UBA1: variants seen among roughly 807,000 people sequenced by gnomAD.
The protein encoded by UBA1 is ubiquitin-like modifier-activating enzyme 1.
In UBA1, 4 loss-of-function variants were observed where a neutral mutation model predicts 84.7. That is an observed-to-expected ratio of 0.05 (90% confidence interval 0.02 to 0.11). The LOEUF is 0.11. UBA1 is among the 10% of genes least tolerant of loss of function. The pLI is 1.00. For missense variants in UBA1, 513 were observed against 902.8 expected (o/e 0.57, Z 5.53); for synonymous variants, 364 against 362.6 (o/e 1.00, Z -0.04).
chrX:47,194,997 C>A (rs1040672753), intron 1 of UBA1, among the ~76,000 whole-genome samples: 2 of 111,316 alleles, frequency 1.8e-5, no homozygotes, highest in African/African-American at 6.6e-5. Context: ...GGCTTCTAGC[C>A]CCTTCCATCA....
At chrX:47,208,213 A>G (rs943287277) in intron 16 of UBA1, among the ~76,000 whole-genome samples, 31 of 112,749 alleles carry the variant, frequency 2.7e-4, no homozygotes, top group Admixed American at 1.9e-4. Flanking sequence ...ATTCAGGCTG[A>G]AGTGTATTGG....
rs1556792891 is a variant in UBA1 at position 47,210,043 on chromosome X, G to A, written c.2119G>A (p.Val707Met). 2.5e-6 allele frequency: 3 copies of A among 1,212,115 alleles called. No individual in the cohort carries two copies. The highest frequency in any genetic ancestry group is 2.2e-6 in the Non-Finnish European group (2 of 895,596). The part of the protein sequence containing the change: ...LQRPQTWADC[V>M]TWACHHWHTQ... ...GCGACCACAGACCTGGGCTGACTGCGTGACCTGGGCCTGCCACCACTGGCA... is the reference window on the plus strand; with the variant it reads ...GCGACCACAGACCTGGGCTGACTGCATGACCTGGGCCTGCCACCACTGGCA... Residue 707 changes from valine (V) to methionine (M), a missense_variant, in exon 18 of 26, where the codon GTG becomes ATG. This residue lies in a region of UBA1 where 40 missense variants were observed against 138.3 expected (regional missense o/e 0.29). Transcript: ENST00000335972.
At chrX:47,194,319 C>T (rs1602617001) in intron 1 of UBA1, among the ~76,000 whole-genome samples, 1 of 112,443 alleles carries the variant, frequency 8.9e-6, no homozygotes, top group East Asian at 2.8e-4. Flanking sequence ...AACCTTGTAT[C>T]TCAGATCAGA....
rs886314931 is a variant in UBA1, at chrX:47,208,610, G to A, written c.1939-1013G>A. 3.0e-5 allele frequency: 3 copies of A among 99,366 alleles called. No individual in the cohort carries two copies. In the Admixed American group the frequency reaches 3.4e-4, roughly 11 times the overall value. The allele number at this position is 99,366 out of a possible 1,213,427, so 8.2% of individuals were successfully genotyped here. On this transcript the variant is annotated intron_variant, in intron 16 of 25. Transcript: ENST00000335972. ...TGGAGGCATAACATATCTAGAATAA[G>A]GTACACAGATTTTTTTTTTTTTTTT...
At chrX:47,201,661 G>C in intron 8 of UBA1, 51 bp downstream of exon 8, 1 of 1,191,659 alleles carries the variant, frequency 8.4e-7, no homozygotes, top group Non-Finnish European at 1.1e-6. Context: ...ATATGTTCCT[G>C]GGTTCTGGCC....
Position 47,199,779 on chromosome X carries a change from C to T in UBA1, c.480+165C>T, listed in dbSNP as rs781837504. Among the ~76,000 whole-genome samples the T allele has an allele frequency of 7.5e-3, 821 of 109,113 alleles. 1 individual carries two copies. Among genetic ancestry groups the T allele is most frequent in the Non-Finnish European group, 0.012 (639 of 52,425 alleles). 94.8% of individuals were successfully genotyped at this position (109,113 alleles called of 115,157 possible). ...CAGTTAGCCCCTGGCCCTGCCTTTT[C>T]TTTTCTTCTTTTTTTTTTTTTGAGA... On this transcript the variant is annotated intron_variant, in intron 5 of 25. Coordinates refer to ENST00000335972, the MANE Select transcript of UBA1 (RefSeq NM_003334.4).
At position 47,213,189 on chromosome X, in the gene UBA1, C is replaced by A. The variant is rs782075261; in HGVS notation, c.2838+8C>A. The A allele has an allele frequency of 5.1e-5, 61 of 1,206,597 alleles. 2 individuals are homozygous for A. In the South Asian group the frequency reaches 1.0e-3, roughly 21 times the overall value. ...GCCGCACCACGTCACCAGGTGGGGG[C>A]CTGCATCCGAAGCAGGGTTTGGGTG... On this transcript the variant is annotated splice_region_variant and intron_variant, in intron 23 of 25. Transcript: ENST00000335972.
intron 16 of UBA1, chrX:47,209,241 G>A (rs1301374260): frequency 5.1e-6 from 2 of 391,171 alleles, no homozygotes; most frequent in East Asian, 4.2e-5. Flanking sequence ...TGCAACCTCC[G>A]CCTCCCGGGT....
intron 25 of UBA1, 68 bp downstream of exon 25, chrX:47,214,705 C>T (rs1602662765): frequency 8.4e-7 from 1 of 1,194,189 alleles, no homozygotes; most frequent in African/African-American, 1.7e-5. Flanking sequence ...ATCCAGCTGT[C>T]CCACTCCAGT....
chrX:47,191,037 T>C (rs1487267694), upstream of UBA1: 17 of 111,879 alleles, frequency 1.5e-4, no homozygotes, highest in Non-Finnish European at 1.9e-5. Flanking sequence ...AAACCCCTCA[T>C]GGGCGTATTT....
intron 5 of UBA1, 70 bp from the exon 6 acceptor site, chrX:47,200,824 T>C (rs1446854681): frequency 1.1e-6 from 1 of 881,496 alleles, no homozygotes; most frequent in Non-Finnish European, 1.6e-6. Flanking sequence ...ACTGCCTGAG[T>C]CCTCCACACC....
chrX:47,197,192 TGTGGA>T (rs1936235828), intron 1 of UBA1: 9 of 753,894 alleles, frequency 1.2e-5, no homozygotes, highest in Non-Finnish European at 1.4e-5. Flanking sequence ...TCCTTAGCCC[TGTGGA>T]CTGGGCCCTG....
chrX:47,215,050 C>A lies in UBA1; in HGVS notation c.*121C>A, dbSNP rs1937087718. 3.9e-6 allele frequency: 4 copies of A among 1,017,515 alleles called. No homozygotes were observed. The highest frequency in any genetic ancestry group is 5.4e-6 in the Non-Finnish European group (4 of 734,602). 83.9% of individuals were successfully genotyped at this position (1,017,515 alleles called of 1,213,427 possible). A position where few individuals can be genotyped will look rare whatever the true frequency, so the allele number is the denominator to read the frequency against. On this transcript the variant is annotated 3_prime_UTR_variant, in exon 26 of 26. Transcript: ENST00000335972. ...GCCAAGTCTGGTGTTCCCTCATCAT[C>A]CCCCTACCTGAACCCCTCTTGCCAC...
chrX:47,197,879 TAGC>T, intron 1 of UBA1: 1 of 658,251 alleles, frequency 1.5e-6, no homozygotes, highest in African/African-American at 2.4e-5. Flanking sequence ...GTATTATTGA[TAGC>T]AGTCCAAACC....
intron 14 of UBA1, chrX:47,205,501 T>C (rs1284999018): frequency 5.8e-6 from 2 of 345,337 alleles, no homozygotes; most frequent in African/African-American, 5.2e-5. Context: ...TCTCTCCTGC[T>C]AGCCTCCTAA....
chrX:47,204,400 G>A (rs782489225), intron 14 of UBA1, among the ~76,000 whole-genome samples: 2 of 110,730 alleles, frequency 1.8e-5, no homozygotes, highest in African/African-American at 3.3e-5. Context: ...TATTTCCCCA[G>A]TAGCAACAGT....
intron 14 of UBA1, among the ~76,000 whole-genome samples, chrX:47,204,242 C>G (rs1428493655): frequency 1.0e-5 from 1 of 97,752 alleles, no homozygotes; most frequent in Non-Finnish European, 2.0e-5. Context: ...CTCAATTCAC[C>G]TAGAGTACTT....
rs1936493797 is a variant in UBA1 at position 47,203,284 on chromosome X, G to A, written c.1419+70G>A. The A allele has an allele frequency of 3.6e-6, 4 of 1,110,451 alleles. No individual in the cohort carries two copies. In the South Asian group the frequency reaches 5.5e-5, roughly 15 times the overall value. The allele number at this position is 1,110,451 out of a possible 1,213,427, so 91.5% of individuals were successfully genotyped here. A position where few individuals can be genotyped will look rare whatever the true frequency, so the allele number is the denominator to read the frequency against. On this transcript the variant is annotated intron_variant, in intron 13 of 25. Coordinates refer to ENST00000335972, the MANE Select transcript of UBA1 (RefSeq NM_003334.4). Reference sequence around the variant, plus strand: ...GGCCATCACCCCTGGGGCTTCCTTCGGCATCTCAATGCAACCGGTGGCGCA... The same window carrying A: ...GGCCATCACCCCTGGGGCTTCCTTCAGCATCTCAATGCAACCGGTGGCGCA...
At chrX:47,203,440 C>T in intron 13 of UBA1, 101 bp from the exon 14 acceptor site, 2 of 1,040,464 alleles carry the variant, frequency 1.9e-6, no homozygotes, top group Non-Finnish European at 1.3e-6. Flanking sequence ...TGGTGTTAGC[C>T]CCTCTCCCCG....
Sources: allele counts gnomAD v4.1 joint callset (sites outside exome capture counted in the v4.1 genomes callset), GRCh38; gene constraint gnomAD v4.1.1; regional missense constraint gnomAD v4.1.1; transcripts MANE v1.5; gene names NCBI Gene and HGNC (gene_info 2026-07-23, HGNC 2026-07-21).